ORC3: variants seen among roughly 807,000 people sequenced by gnomAD.
ORC3 encodes the protein homolog of latheo, Drosophila.
In ORC3, 78 loss-of-function variants were observed where a neutral mutation model predicts 100.7. The ratio of observed to expected loss-of-function variants is 0.77; its 90% CI spans 0.65 to 0.94. ORC3 has a LOEUF of 0.94. Among genes scored for constraint, ORC3 ranks in the 40% least tolerant of loss-of-function variants. ORC3 has a pLI of 0.00. For synonymous variants in ORC3, 295 were observed against 289.3 expected, an observed-to-expected ratio of 1.02 and a Z score of -0.20; for missense variants, 789 against 823.9, an observed-to-expected ratio of 0.96 and a Z score of 0.52.
chr6:87,665,444 G>C (rs534617532), intron 18 of ORC3, among the ~76,000 whole-genome samples: 2 of 152,278 alleles, frequency 1.3e-5, no homozygotes, highest in African/African-American at 4.8e-5. Context: ...CTGCTTCCAA[G>C]AAAAATAGAT....
At chr6:87,676,599 A>ACACGCACGCGCG in the ORC3 span, among the ~76,000 whole-genome samples, 1 of 25,002 alleles carries the variant, frequency 4.0e-5, no homozygotes, top group African/African-American at 7.9e-5. Context: ...TACTAAAAAC[A>ACACGCACGCGCG]CACACACACA....
intron 16 of ORC3, among the ~76,000 whole-genome samples, chr6:87,662,402 A>T (rs957206659): frequency 5.3e-5 from 8 of 152,192 alleles, no homozygotes; most frequent in Admixed American, 2.0e-4. Context: ...ACTGCACTCC[A>T]GTCTGGGTGA....
intron 3 of ORC3, among the ~76,000 whole-genome samples, chr6:87,602,189 A>C (rs2128247786): frequency 6.6e-6 from 1 of 151,908 alleles, no homozygotes; most frequent in South Asian, 2.1e-4. Context: ...CCGAGATAGT[A>C]CCACGGCACT....
At chr6:87,661,210 G>A (rs760622732) in intron 16 of ORC3, among the ~76,000 whole-genome samples, 1 of 152,210 alleles carries the variant, frequency 6.6e-6, no homozygotes, top group Non-Finnish European at 1.5e-5. Flanking sequence ...CCTGAGGTTA[G>A]TGTAGGAAGA....
At chr6:87,624,603 C>A (rs1779760214) in intron 11 of ORC3, among the ~76,000 whole-genome samples, 1 of 152,046 alleles carries the variant, frequency 6.6e-6, no homozygotes, top group Non-Finnish European at 1.5e-5. Flanking sequence ...TAATGTGGTA[C>A]TACAAAATAT....
intron 12 of ORC3, among the ~76,000 whole-genome samples, chr6:87,636,178 C>T (rs537314688): frequency 4.3e-4 from 65 of 152,226 alleles, no homozygotes; most frequent in Middle Eastern, 3.4e-3. Flanking sequence ...CTGATCCGCC[C>T]GCCTCAGCCT....
At chr6:87,596,713 T>C (rs1777474051) in intron 2 of ORC3, among the ~76,000 whole-genome samples, 1 of 152,238 alleles carries the variant, frequency 6.6e-6, no homozygotes, top group Admixed American at 6.5e-5. Context: ...ATTTATATCC[T>C]GATACCTGTT....
At chr6:87,674,640 A>T in the ORC3 span, among the ~76,000 whole-genome samples, 42 of 145,838 alleles carry the variant, frequency 2.9e-4, no homozygotes, top group East Asian at 1.2e-3. Flanking sequence ...ATATATATAT[A>T]TATTTTTTTT....
At chr6:87,639,503 G>A (rs1400818357) in intron 13 of ORC3, among the ~76,000 whole-genome samples, 3 of 152,090 alleles carry the variant, frequency 2.0e-5, no homozygotes, top group Non-Finnish European at 4.4e-5. Context: ...TATTAATTTA[G>A]TCCCACCCCT....
chr6:87,611,711 G>A (rs1197472639), intron 7 of ORC3, among the ~76,000 whole-genome samples: 3 of 152,036 alleles, frequency 2.0e-5, no homozygotes, highest in Non-Finnish European at 4.4e-5. Context: ...GAACCCAGGA[G>A]GTGGAGGTTG....
intron 2 of ORC3, among the ~76,000 whole-genome samples, chr6:87,599,873 T>A (rs1452920361): frequency 6.6e-6 from 1 of 152,136 alleles, no homozygotes; most frequent in Non-Finnish European, 1.5e-5. Flanking sequence ...CTCGGGAGGC[T>A]GAGGCAGGAG....
intron 6 of ORC3, among the ~76,000 whole-genome samples, chr6:87,608,119 T>C (rs940363503): frequency 9.2e-5 from 14 of 152,220 alleles, no homozygotes; most frequent in African/African-American, 3.4e-4. Flanking sequence ...TGTTGCATGT[T>C]CCATCTCTGT....
intron 13 of ORC3, among the ~76,000 whole-genome samples, chr6:87,652,634 T>C (rs1204645526): frequency 1.3e-5 from 2 of 152,228 alleles, no homozygotes; most frequent in African/African-American, 4.8e-5. Context: ...CGTCATATCT[T>C]CTGTAGACAT....
At chr6:87,671,293 A>T (rs1770825029), downstream of ORC3, among the ~76,000 whole-genome samples, 1 of 152,138 alleles carries the variant, frequency 6.6e-6, no homozygotes, top group Non-Finnish European at 1.5e-5. Context: ...TTAGGGTAAT[A>T]GCAGTAGAGA....
At chr6:87,644,114 A>ACGG (rs1324642401) in intron 13 of ORC3, among the ~76,000 whole-genome samples, 1 of 53,772 alleles carries the variant, frequency 1.9e-5, no homozygotes, top group Non-Finnish European at 3.0e-5. Flanking sequence ...TTTTTTTGAG[A>ACGG]CGGAGTCTCG....
intron 2 of ORC3, among the ~76,000 whole-genome samples, chr6:87,596,398 G>T (rs954810258): frequency 6.6e-6 from 1 of 151,460 alleles, no homozygotes; most frequent in African/African-American, 2.4e-5. Context: ...CTTCCAAAGT[G>T]CTAGGATTAC....
intron 14 of ORC3, among the ~76,000 whole-genome samples, chr6:87,656,403 C>T (rs1377105190): frequency 2.6e-5 from 4 of 152,088 alleles, no homozygotes; most frequent in South Asian, 4.1e-4. Flanking sequence ...GCCTGGCCAA[C>T]GTGGCGAAAC....
At chr6:87,639,569 C>T (rs1337814635) in intron 13 of ORC3, among the ~76,000 whole-genome samples, 1 of 152,164 alleles carries the variant, frequency 6.6e-6, no homozygotes, top group Admixed American at 6.5e-5. Context: ...GCTGCCCCAG[C>T]CCCTCCCAGG....
At chr6:87,644,662 A>T (rs1457516447) in intron 13 of ORC3, among the ~76,000 whole-genome samples, 1 of 151,924 alleles carries the variant, frequency 6.6e-6, no homozygotes, top group Non-Finnish European at 1.5e-5. Context: ...CAGCCTGGCT[A>T]ACATGGCGAA....
Sources: gnomAD v4.1 joint callset for allele counts (sites outside exome capture counted in the v4.1 genomes callset) on GRCh38, gnomAD v4.1.1 for gene constraint, MANE v1.5 for transcripts, NCBI Gene and HGNC (gene_info 2026-07-23, HGNC 2026-07-21) for gene names.